KCNAB1: variants seen among roughly 807,000 people sequenced by gnomAD.
The protein encoded by KCNAB1 is potassium voltage-gated channel subfamily A regulatory beta subunit 1, also known as voltage-gated potassium channel subunit beta-1.
A neutral mutation model predicts 64.6 loss-of-function variants in KCNAB1; 35 were observed. The ratio of observed to expected loss-of-function variants is 0.54; its 90% CI spans 0.41 to 0.72. The LOEUF is 0.72. Among genes scored for constraint, KCNAB1 ranks in the 30% least tolerant of loss-of-function variants. KCNAB1 has a pLI of 0.00. For synonymous variants in KCNAB1, 177 were observed against 183.8 expected (o/e 0.96, Z 0.30); for missense variants, 401 against 512.9 (o/e 0.78, Z 2.11).
intron 1 of KCNAB1, among the ~76,000 whole-genome samples, chr3:156,253,004 C>T (rs1366991970): frequency 6.6e-6 from 1 of 152,132 alleles, no homozygotes; most frequent in East Asian, 1.9e-4. Flanking sequence ...AAAAGATTGT[C>T]TTGTGAGGAG....
intron 11 of KCNAB1, among the ~76,000 whole-genome samples, chr3:156,516,770 C>A (rs1717593113): frequency 6.6e-6 from 1 of 152,156 alleles, no homozygotes; most frequent in Non-Finnish European, 1.5e-5. Context: ...AAAGTGTAAG[C>A]CATAAAGGCT....
chr3:156,202,397 C>T lies in KCNAB1; in HGVS notation c.275+81511C>T, dbSNP rs527356986. 2.0e-5 allele frequency among the ~76,000 whole-genome samples: 3 copies of T among 152,354 alleles called. No individual in the cohort carries two copies. In the South Asian group the frequency reaches 6.2e-4, roughly 32 times the overall value. ...CTGCAGTGTTCTCGGCTTCCTCCTC[C>T]TTCAGCCCAGCAACTGTGTCTTCCC... On this transcript the variant is annotated intron_variant, in intron 1 of 13. Transcript: ENST00000490337.
intron 2 of KCNAB1, among the ~76,000 whole-genome samples, chr3:156,427,188 G>A (rs1715877965): frequency 6.6e-6 from 1 of 152,188 alleles, no homozygotes; most frequent in East Asian, 1.9e-4. Flanking sequence ...AGAGACAGGA[G>A]ACACAGGAGG....
intron 8 of KCNAB1, 85 bp from the exon 9 acceptor site, chr3:156,514,279 C>T: frequency 1.0e-6 from 1 of 990,624 alleles, no homozygotes; most frequent in Non-Finnish European, 1.6e-6. Flanking sequence ...CATTAAGCTT[C>T]TAAGCTTTGG....
At chr3:156,247,144 A>G (rs1717505192) in intron 1 of KCNAB1, among the ~76,000 whole-genome samples, 2 of 151,818 alleles carry the variant, frequency 1.3e-5, no homozygotes, top group South Asian at 4.1e-4. Context: ...GTCAGTTGGC[A>G]GACTGTCTGC....
chr3:156,176,290 C>G (rs2108335471), intron 1 of KCNAB1: 1 of 988,262 alleles, frequency 1.0e-6, no homozygotes, highest in South Asian at 1.3e-5. Flanking sequence ...GTCTATTCCA[C>G]CAGAAATAAT....
intron 5 of KCNAB1, 121 bp downstream of exon 5, chr3:156,459,992 G>A: frequency 1.5e-6 from 1 of 672,320 alleles, no homozygotes; most frequent in Non-Finnish European, 2.5e-6. Flanking sequence ...TGTTTTTAAA[G>A]CAATGATTTA....
chr3:156,318,382 A>G (rs4680258), intron 1 of KCNAB1, among the ~76,000 whole-genome samples: 58,194 of 152,046 alleles, frequency 0.38, 14,614 homozygotes, highest in African/African-American at 0.72. Flanking sequence ...GTGCCCCCGT[A>G]GGCCTCTATG....
At chr3:156,461,270 T>C (rs550523915) in intron 5 of KCNAB1, among the ~76,000 whole-genome samples, 35 of 152,324 alleles carry the variant, frequency 2.3e-4, no homozygotes, top group African/African-American at 7.7e-4. Flanking sequence ...AAATCAAGGT[T>C]TGACTTCAGG....
At chr3:156,506,639 C>G (rs1258199217) in intron 8 of KCNAB1, among the ~76,000 whole-genome samples, 1 of 152,094 alleles carries the variant, frequency 6.6e-6, no homozygotes, top group Non-Finnish European at 1.5e-5. Context: ...GAAGAAGGTT[C>G]AATTTCTCCA....
intron 5 of KCNAB1, among the ~76,000 whole-genome samples, chr3:156,462,864 G>T (rs1199172629): frequency 1.3e-5 from 2 of 152,116 alleles, no homozygotes; most frequent in Non-Finnish European, 2.9e-5. Context: ...CAATTTTATT[G>T]TATACCTGTA....
At chr3:156,343,985 T>G (rs1444038218) in intron 1 of KCNAB1, among the ~76,000 whole-genome samples, 1 of 152,206 alleles carries the variant, frequency 6.6e-6, no homozygotes, top group Non-Finnish European at 1.5e-5. Flanking sequence ...TTCAGTAATT[T>G]GCTAAAACCA....
At chr3:156,200,335 G>A (rs1265713494) in intron 1 of KCNAB1, among the ~76,000 whole-genome samples, 1 of 152,224 alleles carries the variant, frequency 6.6e-6, no homozygotes, top group African/African-American at 2.4e-5. Flanking sequence ...CTGTGCCTTA[G>A]CAGAGCTCGA....
At chr3:156,432,134 T>A (rs955838644) in intron 2 of KCNAB1, among the ~76,000 whole-genome samples, 1 of 152,188 alleles carries the variant, frequency 6.6e-6, no homozygotes, top group African/African-American at 2.4e-5. Context: ...GAAGAAAACA[T>A]ATTCCTGGAT....
At chr3:156,499,651 G>T (rs1470939281) in intron 8 of KCNAB1, among the ~76,000 whole-genome samples, 1 of 152,088 alleles carries the variant, frequency 6.6e-6, no homozygotes, top group African/African-American at 2.4e-5. Flanking sequence ...GGGTAGGGCT[G>T]GTTTTAGAGA....
At chr3:156,362,422 T>C (rs1375929) in intron 1 of KCNAB1, among the ~76,000 whole-genome samples, 4,011 of 152,336 alleles carry the variant, frequency 0.026, 173 homozygotes, top group African/African-American at 0.09. Flanking sequence ...ACTGCTGTTG[T>C]TGAGGCAGTG....
intron 1 of KCNAB1, among the ~76,000 whole-genome samples, chr3:156,228,263 C>A (rs1716304147): frequency 6.6e-6 from 1 of 152,074 alleles, no homozygotes; most frequent in African/African-American, 2.4e-5. Context: ...AGAAAAGAAG[C>A]AAGTGCTGGT....
At chr3:156,437,507 G>A (rs779210536) in intron 2 of KCNAB1, among the ~76,000 whole-genome samples, 36 of 152,136 alleles carry the variant, frequency 2.4e-4, no homozygotes, top group Non-Finnish European at 2.4e-4. Flanking sequence ...GCACCAGTGG[G>A]AGAAATTCCA....
chr3:156,280,785 G>T (rs376190605), intron 1 of KCNAB1, among the ~76,000 whole-genome samples: 2 of 151,976 alleles, frequency 1.3e-5, no homozygotes, highest in Admixed American at 6.6e-5. Context: ...TGGTGTGTAA[G>T]AATGCTTGTG....
Sources: gnomAD v4.1 joint callset for allele counts (sites outside exome capture counted in the v4.1 genomes callset) on GRCh38, gnomAD v4.1.1 for gene constraint, MANE v1.5 for transcripts, NCBI Gene and HGNC (gene_info 2026-07-23, HGNC 2026-07-21) for gene names.